Variants in FAM107B observed in about 807,000 individuals in gnomAD.
FAM107B encodes the protein family with sequence similarity 107 member B, also known as protein FAM107B.
A neutral mutation model predicts 31.5 loss-of-function variants in FAM107B; 21 were observed. That is an observed-to-expected ratio of 0.67 (90% CI 0.47 to 0.96). The LOEUF (loss-of-function observed/expected upper bound fraction) is 0.96. FAM107B is among the 40% of genes least tolerant of loss of function. FAM107B has a pLI of 0.00. For missense variants in FAM107B, 452 were observed against 377.1 expected, an observed-to-expected ratio of 1.20 and a Z score of -1.64; for synonymous variants, 157 against 141.5, an observed-to-expected ratio of 1.11 and a Z score of -0.78.
chr10:14,767,404 T>C lies in FAM107B; in HGVS notation c.411+6849A>G, dbSNP rs545409508. The stretch of plus-strand genomic sequence containing the variant: ...ACCGCACCCGGCCCCTGATGAGCAT[T>C]AATAGAAAGATCCTCAACAAAATAC... On this transcript the variant is annotated intron_variant, in intron 1 of 4. Coordinates refer to ENST00000181796, the MANE Select transcript of FAM107B (RefSeq NM_031453.4). Among the ~76,000 whole-genome samples, 392 of 151,820 alleles carry C rather than the reference T, an allele frequency of 2.6e-3. 1 individual carries two copies. Among genetic ancestry groups the C allele is most frequent in the Non-Finnish European group, 4.7e-3 (318 of 67,942 alleles).
chr10:14,682,390 T>A (rs7896253), intron 1 of FAM107B, among the ~76,000 whole-genome samples: 82,507 of 151,896 alleles, frequency 0.54, 23,534 homozygotes, highest in South Asian at 0.68. Context: ...TTAGCTGGGC[T>A]TGGTGGCGCA....
chr10:14,761,114 T>G (rs1833038378), intron 1 of FAM107B, among the ~76,000 whole-genome samples: 1 of 150,812 alleles, frequency 6.6e-6, no homozygotes, highest in African/African-American at 2.4e-5. Context: ...TAATTTCAAA[T>G]AAAATCTTTA....
chr10:14,538,002 G>A (rs1225969781), intron 2 of FAM107B, among the ~76,000 whole-genome samples: 1 of 152,166 alleles, frequency 6.6e-6, no homozygotes, highest in African/African-American at 2.4e-5. Context: ...CTTAAGAGCA[G>A]GACCAAGATT....
At chr10:14,582,553 AT>A (rs1851673368) in intron 2 of FAM107B, among the ~76,000 whole-genome samples, 2 of 150,556 alleles carry the variant, frequency 1.3e-5, no homozygotes, top group Admixed American at 6.6e-5. Context: ...AATTTTTTGT[AT>A]TTTTAGTAGA....
At chr10:14,729,818 G>A (rs980655413) in intron 1 of FAM107B, among the ~76,000 whole-genome samples, 1 of 152,182 alleles carries the variant, frequency 6.6e-6, no homozygotes, top group Non-Finnish European at 1.5e-5. Flanking sequence ...ACCGGATTAA[G>A]ACAATGTGGC....
At chr10:14,677,309 T>A (rs1854706522) in intron 1 of FAM107B, among the ~76,000 whole-genome samples, 1 of 152,106 alleles carries the variant, frequency 6.6e-6, no homozygotes, top group Admixed American at 6.5e-5. Flanking sequence ...CTAATCCCAA[T>A]GCCTCTCTCT....
At chr10:14,625,782 A>G (rs1474273474) in intron 2 of FAM107B, among the ~76,000 whole-genome samples, 3 of 150,742 alleles carry the variant, frequency 2.0e-5, no homozygotes, top group Non-Finnish European at 4.4e-5. Flanking sequence ...TGAATTAAAT[A>G]AATATTCAAG....
intron 2 of FAM107B, chr10:14,548,293 A>G: frequency 2.8e-6 from 1 of 362,500 alleles, no homozygotes; most frequent in Non-Finnish European, 3.8e-6. Context: ...AACTGGGAAC[A>G]CGGACACCCT....
intron 1 of FAM107B, among the ~76,000 whole-genome samples, chr10:14,672,041 A>G (rs924661024): frequency 2.0e-5 from 3 of 151,556 alleles, no homozygotes; most frequent in African/African-American, 7.3e-5. Flanking sequence ...GGTTCTGTAC[A>G]TTGGTTCTGT....
intron 2 of FAM107B, among the ~76,000 whole-genome samples, chr10:14,625,875 A>AAAAAAAAAAAAAAAAAAAAC (rs1853148644): frequency 6.6e-6 from 1 of 151,656 alleles, no homozygotes; most frequent in African/African-American, 2.4e-5. Context: ...GATTAAAAAA[A>AAAAAAAAAAAAAAAAAAAAC]AAAAAGCTAA....
At chr10:14,666,902 C>A (rs1214968228) in intron 2 of FAM107B, among the ~76,000 whole-genome samples, 1 of 152,156 alleles carries the variant, frequency 6.6e-6, no homozygotes, top group Non-Finnish European at 1.5e-5. Flanking sequence ...TTTCTTAATT[C>A]TTCTCCCTAA....
intron 2 of FAM107B, among the ~76,000 whole-genome samples, chr10:14,555,183 T>C (rs1273486224): frequency 7.5e-6 from 1 of 133,138 alleles, no homozygotes; most frequent in Non-Finnish European, 1.6e-5. Context: ...AAAGTCATAA[T>C]CTTGACTTGG....
chr10:14,521,972 T>C lies in FAM107B; in HGVS notation c.701A>G (p.Lys234Arg), dbSNP rs773017959. Residue 234 changes from lysine to arginine, a missense_variant, in exon 4 of 5, where the codon AAA becomes AGA. Physicochemically the swap from Lys to Arg is conservative, Grantham distance 26 (BLOSUM62 2). Coordinates refer to ENST00000181796, the MANE Select transcript of FAM107B (RefSeq NM_031453.4). ...NKPELQKVME[K>R]RKRDQVIKQK... ...CTTTATTACTTGGTCTCGTTTTCTT[T>C]TTTCCATCACCTTCTGCAATTCTGG... The C allele has an allele frequency of 1.5e-5, 25 of 1,614,046 alleles. No homozygotes were observed. In the African/African-American group the frequency reaches 1.7e-4, roughly 11 times the overall value.
At position 14,662,077 on chromosome 10, in the gene FAM107B, C is replaced by G. The variant is rs1178206540; in HGVS notation, c.469+5557G>C. Among the ~76,000 whole-genome samples the G allele has an allele frequency of 3.3e-5, 5 of 152,240 alleles. No homozygotes were observed. The East Asian group carries it at 9.6e-4, about 29-fold the overall frequency. ...TATCACCATTACCTCATTCTTCCTT[C>G]TCCCTATGTGGAGTTATAAACATAG... On this transcript the variant is annotated intron_variant, in intron 2 of 4. Transcript: ENST00000181796.
At chr10:14,741,935 C>T (rs1286433165) in intron 1 of FAM107B, among the ~76,000 whole-genome samples, 2 of 151,830 alleles carry the variant, frequency 1.3e-5, no homozygotes, top group Non-Finnish European at 2.9e-5. Context: ...AGGATGGTCT[C>T]GATCTCCTGA....
Position 14,562,092 on chromosome 10 carries a change from T to C in FAM107B, c.470-31577A>G, listed in dbSNP as rs1447987496. 2.0e-5 allele frequency among the ~76,000 whole-genome samples: 3 copies of C among 152,086 alleles called. No individual in the cohort carries two copies. In the East Asian group the frequency reaches 5.8e-4, roughly 29 times the overall value. On this transcript the variant is annotated intron_variant, in intron 2 of 4. Coordinates refer to ENST00000181796, the MANE Select transcript of FAM107B (RefSeq NM_031453.4). ...TGAGCCACTACGCCCGGCCTTAGAG[T>C]GCATTTTCTACTCCAAAAAGTTCAA... is the stretch of plus-strand genomic sequence containing the variant.
chr10:14,519,411 T>C lies in FAM107B; in HGVS notation c.*1779A>G, dbSNP rs892333320. On this transcript the variant is annotated 3_prime_UTR_variant, in exon 5 of 5. Transcript: ENST00000181796. Reference sequence around the variant, plus strand: ...AGTCAACGTGCAATCAGAAATGGGCTTTTCAAGATCATCAGTCATCACACT... The same window carrying C: ...AGTCAACGTGCAATCAGAAATGGGCCTTTCAAGATCATCAGTCATCACACT... 1.3e-5 allele frequency: 2 copies of C among 152,192 alleles called. No individual in the cohort carries two copies. The highest frequency in any genetic ancestry group is 2.9e-5 in the Non-Finnish European group (2 of 68,022). The allele number at this position is 152,192 out of a possible 1,614,324, so 9.4% of individuals were successfully genotyped here.
At chr10:14,683,935 GAA>G (rs1291977958) in intron 1 of FAM107B, among the ~76,000 whole-genome samples, 1 of 152,216 alleles carries the variant, frequency 6.6e-6, no homozygotes, top group African/African-American at 2.4e-5. Flanking sequence ...GTTAAAGAGA[GAA>G]GCGTGTCTTA....
intron 2 of FAM107B, among the ~76,000 whole-genome samples, chr10:14,635,105 G>GA (rs370546457): frequency 8.1e-3 from 227 of 27,978 alleles, no homozygotes; most frequent in Middle Eastern, 0.024. Context: ...AAAAAGAAAA[G>GA]AAAAAAAAAA....
Sources: allele counts gnomAD v4.1 joint callset (sites outside exome capture counted in the v4.1 genomes callset), GRCh38; gene constraint gnomAD v4.1.1; transcripts MANE v1.5; gene names NCBI Gene and HGNC (gene_info 2026-07-23, HGNC 2026-07-21).